GABRG3: variants seen among roughly 807,000 people sequenced by gnomAD.
GABRG3 encodes gamma-aminobutyric acid type A receptor subunit gamma3.
Under a neutral mutation model 48.8 loss-of-function variants are expected in GABRG3, and 25 were observed. The ratio of observed to expected loss-of-function variants is 0.51; its 90% confidence interval spans 0.37 to 0.72. The LOEUF (loss-of-function observed/expected upper bound fraction) is 0.72, where lower values mean the gene tolerates loss of function less well. Among genes scored for constraint, GABRG3 ranks in the 30% least tolerant of loss-of-function variants. The pLI is 0.00. For missense variants in GABRG3, 394 were observed against 577.9 expected, an observed-to-expected ratio of 0.68 and a Z score of 3.26; for synonymous variants, 227 against 217.6, an observed-to-expected ratio of 1.04 and a Z score of -0.38.
At chr15:27,275,876 A>G (rs1891234625) in intron 3 of GABRG3, among the ~76,000 whole-genome samples, 2 of 152,200 alleles carry the variant, frequency 1.3e-5, no homozygotes, top group African/African-American at 4.8e-5. Flanking sequence ...GCAAATGACA[A>G]TGAGCACAAG....
chr15:27,338,868 A>G (rs1426832530), intron 5 of GABRG3, among the ~76,000 whole-genome samples: 1 of 152,222 alleles, frequency 6.6e-6, no homozygotes, highest in Non-Finnish European at 1.5e-5. Flanking sequence ...ACTCCTGTTG[A>G]TGTGACCTAG....
intron 5 of GABRG3, among the ~76,000 whole-genome samples, chr15:27,470,132 T>C (rs972493571): frequency 7.9e-5 from 12 of 152,230 alleles, no homozygotes; most frequent in African/African-American, 2.9e-4. Flanking sequence ...ATTCTTTCCC[T>C]TTACTTATCA....
intron 3 of GABRG3, among the ~76,000 whole-genome samples, chr15:27,232,829 GA>G (rs1312593640): frequency 6.6e-6 from 1 of 152,188 alleles, no homozygotes; most frequent in Non-Finnish European, 1.5e-5. Context: ...GAAATAAGAT[GA>G]AATAGTCAGG....
At chr15:27,400,659 G>A (rs371505372) in intron 5 of GABRG3, among the ~76,000 whole-genome samples, 44 of 152,324 alleles carry the variant, frequency 2.9e-4, no homozygotes, top group African/African-American at 1.0e-3. Context: ...ACCACTAGAT[G>A]AGGATGTGCA....
chr15:27,302,509 A>T (rs1314254956), intron 3 of GABRG3, among the ~76,000 whole-genome samples: 1 of 152,084 alleles, frequency 6.6e-6, no homozygotes, highest in Non-Finnish European at 1.5e-5. Context: ...GACAAAACTG[A>T]AAACAGAAAT....
chr15:27,243,332 C>G (rs1408061833), intron 3 of GABRG3, among the ~76,000 whole-genome samples: 1 of 152,102 alleles, frequency 6.6e-6, no homozygotes, highest in Non-Finnish European at 1.5e-5. Context: ...TGGGAACTTG[C>G]TGTATCAAGG....
chr15:27,146,474 C>T (rs1898211863), intron 3 of GABRG3, among the ~76,000 whole-genome samples: 1 of 152,050 alleles, frequency 6.6e-6, no homozygotes, highest in African/African-American at 2.4e-5. Context: ...ACAACAACAA[C>T]AACAAAAACT....
chr15:27,328,980 A>G (rs1034073957), intron 5 of GABRG3, 92 bp downstream of exon 5: 11 of 1,054,362 alleles, frequency 1.0e-5, no homozygotes, highest in Non-Finnish European at 1.5e-5. Context: ...GATTGATCAC[A>G]GTGTCCCTGC....
At chr15:27,003,847 G>T (rs1402706846) in intron 2 of GABRG3, among the ~76,000 whole-genome samples, 1 of 142,742 alleles carries the variant, frequency 7.0e-6, no homozygotes, top group Non-Finnish European at 1.5e-5. Context: ...TGGCCGGGCG[G>T]GGGGGGCTGA....
At chr15:27,427,511 C>T (rs1303375129) in intron 5 of GABRG3, among the ~76,000 whole-genome samples, 1 of 152,204 alleles carries the variant, frequency 6.6e-6, no homozygotes, top group Non-Finnish European at 1.5e-5. Flanking sequence ...ACCATATAAA[C>T]AGCTTCATGT....
intron 3 of GABRG3, among the ~76,000 whole-genome samples, chr15:27,178,051 A>AC (rs1555407922): frequency 2.0e-5 from 3 of 152,090 alleles, no homozygotes; most frequent in African/African-American, 7.2e-5. Context: ...TCAGGTATTG[A>AC]GGGGGGTCAG....
intron 5 of GABRG3, among the ~76,000 whole-genome samples, chr15:27,436,821 G>A (rs1888626292): frequency 6.6e-6 from 1 of 152,104 alleles, no homozygotes. Context: ...AGAACATTCA[G>A]AGGGTTGGGA....
At chr15:27,129,685 C>A (rs1402561022) in intron 3 of GABRG3, among the ~76,000 whole-genome samples, 1 of 151,540 alleles carries the variant, frequency 6.6e-6, no homozygotes, top group Non-Finnish European at 1.5e-5. Context: ...TCTCCACATC[C>A]TCGCCAACAC....
At chr15:27,216,991 T>A (rs1014719050) in intron 3 of GABRG3, among the ~76,000 whole-genome samples, 27 of 136,702 alleles carry the variant, frequency 2.0e-4, no homozygotes, top group Non-Finnish European at 4.0e-4. Context: ...TGTGATCTCA[T>A]TGTTCAATTC....
At chr15:27,188,874 G>A (rs1156970547) in intron 3 of GABRG3, among the ~76,000 whole-genome samples, 1 of 150,606 alleles carries the variant, frequency 6.6e-6, no homozygotes, top group African/African-American at 2.4e-5. Flanking sequence ...TAACGTTTAA[G>A]TCTTTAATCC....
At chr15:27,037,278 G>A (rs1403104184) in intron 3 of GABRG3, among the ~76,000 whole-genome samples, 3 of 152,170 alleles carry the variant, frequency 2.0e-5, no homozygotes, top group Non-Finnish European at 4.4e-5. Flanking sequence ...CACTAACACA[G>A]GCCTAGCCTA....
At chr15:27,139,060 GGACA>G (rs777052983) in intron 3 of GABRG3, among the ~76,000 whole-genome samples, 10 of 152,072 alleles carry the variant, frequency 6.6e-5, no homozygotes, top group Admixed American at 2.6e-4. Flanking sequence ...TATGAGAACT[GGACA>G]GACAGACAGA....
intron 5 of GABRG3, among the ~76,000 whole-genome samples, chr15:27,331,344 G>A (rs1419114200): frequency 1.3e-5 from 2 of 152,136 alleles, no homozygotes; most frequent in Non-Finnish European, 1.5e-5. Flanking sequence ...CAACCAAGAT[G>A]TCCTTTGGTA....
chr15:27,296,849 T>C (rs978303254), intron 3 of GABRG3, among the ~76,000 whole-genome samples: 1 of 24,502 alleles, frequency 4.1e-5, no homozygotes, highest in African/African-American at 2.2e-4. Flanking sequence ...CTCCTTCTAC[T>C]TTTTTTTTTT....
Sources: gnomAD v4.1 joint callset for allele counts (sites outside exome capture counted in the v4.1 genomes callset) on GRCh38, gnomAD v4.1.1 for gene constraint, MANE v1.5 for transcripts, NCBI Gene and HGNC (gene_info 2026-07-23, HGNC 2026-07-21) for gene names.